Variants in MCC observed in about 807,000 individuals in gnomAD.
MCC encodes MCC regulator of Wnt signaling pathway, also known as colorectal mutant cancer protein.
A neutral mutation model predicts 116.2 loss-of-function variants in MCC; 90 were observed. The ratio of observed to expected loss-of-function variants is 0.77; its 90% CI spans 0.65 to 0.92. MCC has a LOEUF of 0.92. MCC is among the 40% of genes least tolerant of loss of function. MCC has a pLI of 0.00. For missense variants in MCC, 1,516 were observed against 1,312.2 expected (o/e 1.16, Z -2.40); for synonymous variants, 578 against 510.5 (o/e 1.13, Z -1.78).
chr5:113,285,329 C>T (rs1440668009), intron 3 of MCC, among the ~76,000 whole-genome samples: 1 of 149,468 alleles, frequency 6.7e-6, no homozygotes, highest in Non-Finnish European at 1.5e-5. Flanking sequence ...TTCCCTACAT[C>T]TCCCCCTGCC....
chr5:113,448,509 AG>A (rs1771285986), intron 1 of MCC, among the ~76,000 whole-genome samples: 2 of 152,246 alleles, frequency 1.3e-5, no homozygotes, highest in African/African-American at 2.4e-5. Flanking sequence ...AATTAATAAA[AG>A]ATTCCCCAAG....
chr5:113,239,020 T>G (rs1213568784), intron 3 of MCC, among the ~76,000 whole-genome samples: 2 of 152,054 alleles, frequency 1.3e-5, no homozygotes, highest in Non-Finnish European at 2.9e-5. Context: ...CATGCATATG[T>G]TTTTTTTCAA....
At chr5:113,405,108 C>T (rs1769793230) in intron 1 of MCC, among the ~76,000 whole-genome samples, 1 of 152,230 alleles carries the variant, frequency 6.6e-6, no homozygotes. Flanking sequence ...CAGTCAGCAT[C>T]CTGATATCTA....
At chr5:113,093,560 G>T (rs1041920020) in intron 8 of MCC, among the ~76,000 whole-genome samples, 5 of 152,160 alleles carry the variant, frequency 3.3e-5, no homozygotes, top group African/African-American at 9.7e-5. Context: ...GGGAAAGTGA[G>T]ATGTTGGGGG....
At chr5:113,158,135 A>T (rs923352724) in intron 3 of MCC, among the ~76,000 whole-genome samples, 7 of 152,228 alleles carry the variant, frequency 4.6e-5, no homozygotes, top group African/African-American at 7.2e-5. Context: ...CCAATTGTTT[A>T]TTTTTGGAAT....
intron 2 of MCC, among the ~76,000 whole-genome samples, chr5:113,341,000 G>A (rs1260795775): frequency 6.6e-6 from 1 of 152,170 alleles, no homozygotes; most frequent in African/African-American, 2.4e-5. Context: ...AAAAAGCACT[G>A]GAGAGCCAAG....
Position 113,434,329 on chromosome 5 carries a change from A to AT in MCC, c.171-49118dup. The AT allele has an allele frequency of 6.2e-7, 1 of 1,613,910 alleles. No homozygotes were observed. Among genetic ancestry groups the AT allele is most frequent in the Non-Finnish European group, 8.5e-7 (1 of 1,179,876 alleles). ...GGTGACCCACAGAAGGTCTTGCTTA[A>AT]TGCCATTCGACCACTGTCATCCCGC... is the stretch of plus-strand genomic sequence containing the variant. On this transcript the variant is annotated intron_variant, in intron 1 of 18. Coordinates refer to ENST00000408903, the MANE Select transcript of MCC (RefSeq NM_001085377.2). The surrounding 1 kb of genome is among the most constrained non-coding windows in gnomAD (Gnocchi z 4.2).
In MCC at chr5:113,384,974, T is replaced by C; in HGVS notation, c.409A>G (p.Ser137Gly). The C allele has an allele frequency of 6.2e-7, 1 of 1,614,188 alleles. No individual in the cohort carries two copies. The highest frequency in any genetic ancestry group is 8.5e-7 in the Non-Finnish European group (1 of 1,180,022). Residue 137 changes from serine (S) to glycine (G), a missense_variant, in exon 2 of 19, where the codon AGT becomes GGT. By Grantham distance (56) the Ser-to-Gly change is moderately conservative. Transcript: ENST00000408903. ...GCCACCTGGTTATACCTACCCAAAC[T>C]GTTGTCACTGCTCGTGGGCCAGGAA... ...IASWPTSSDN[S>G]LGALSAARES...
At chr5:113,133,013 T>G (rs997311601) in intron 5 of MCC, among the ~76,000 whole-genome samples, 28 of 152,210 alleles carry the variant, frequency 1.8e-4, no homozygotes, top group African/African-American at 6.0e-4. Context: ...TCTTTTTTTT[T>G]TGTTTTTACT....
chr5:113,389,363 TG>T lies in MCC; in HGVS notation c.171-4152del, dbSNP rs1769351032. 2.0e-5 allele frequency among the ~76,000 whole-genome samples: 3 copies of T among 152,184 alleles called. 1 individual carries two copies. In the South Asian group the frequency reaches 6.2e-4, roughly 32 times the overall value. On this transcript the variant is annotated intron_variant, in intron 1 of 18. Coordinates refer to ENST00000408903, the MANE Select transcript of MCC (RefSeq NM_001085377.2). ...CTTGAATCTGGGCTGGCCTTGAGACTGGCTTTGACCAACAAAATGTGGCGGA... is the reference window on the plus strand; with the variant it reads ...CTTGAATCTGGGCTGGCCTTGAGACTGCTTTGACCAACAAAATGTGGCGGA...
chr5:113,395,179 G>A (rs959494989), intron 1 of MCC, among the ~76,000 whole-genome samples: 2 of 152,166 alleles, frequency 1.3e-5, no homozygotes, highest in African/African-American at 4.8e-5. Context: ...TGTTAGACTT[G>A]AGGTAAAAGA....
intron 8 of MCC, among the ~76,000 whole-genome samples, chr5:113,099,907 A>T (rs1480147345): frequency 1.3e-5 from 2 of 152,270 alleles, no homozygotes; most frequent in African/African-American, 4.8e-5. Flanking sequence ...ATCAGAATGC[A>T]CACACTAAGA....
chr5:113,332,087 C>G (rs922032838), intron 3 of MCC, among the ~76,000 whole-genome samples: 1 of 151,798 alleles, frequency 6.6e-6, no homozygotes, highest in East Asian at 1.9e-4. Flanking sequence ...ATTTCGAAAT[C>G]TCCTTGAAAG....
At position 113,229,358 on chromosome 5, in the gene MCC, A is replaced by C. The variant is rs548158419; in HGVS notation, c.628-77936T>G. Among the ~76,000 whole-genome samples the C allele has an allele frequency of 3.3e-5, 5 of 152,364 alleles. No homozygotes were observed. The East Asian group carries it at 7.7e-4, about 23-fold the overall frequency. On this transcript the variant is annotated intron_variant, in intron 3 of 18. Coordinates refer to ENST00000408903, the MANE Select transcript of MCC (RefSeq NM_001085377.2). ...TATAAGGTTAAATATCCTGTAAGTA[A>C]ATACTTAATGATAACTAATAGCAAC...
At chr5:113,119,143 T>C (rs548295894) in intron 6 of MCC, among the ~76,000 whole-genome samples, 3 of 152,358 alleles carry the variant, frequency 2.0e-5, no homozygotes, top group African/African-American at 7.2e-5. Flanking sequence ...TTTGAGTATC[T>C]CCTACGTGCA....
chr5:113,105,231 C>T (rs560809250), intron 6 of MCC, among the ~76,000 whole-genome samples: 1 of 152,204 alleles, frequency 6.6e-6, no homozygotes, highest in Non-Finnish European at 1.5e-5. Flanking sequence ...CACCTACGTC[C>T]AGCCTAACCC....
intron 3 of MCC, among the ~76,000 whole-genome samples, chr5:113,270,874 A>G (rs550289732): frequency 1.1e-4 from 16 of 151,858 alleles, no homozygotes; most frequent in Non-Finnish European, 1.8e-4. Flanking sequence ...CAGAAAGATA[A>G]CTGCTTCACT....
At chr5:113,214,588 C>G (rs1200246910) in intron 3 of MCC, among the ~76,000 whole-genome samples, 1 of 152,132 alleles carries the variant, frequency 6.6e-6, no homozygotes, top group African/African-American at 2.4e-5. Context: ...TTCATCCAAG[C>G]CCCAGCCTTA....
rs986515693 is a variant in MCC at position 113,027,428 on chromosome 5, C to G, written c.2934G>C (p.Lys978Asn). The change falls in exon 19 of 19, where the codon AAG becomes AAC. Residue 978 changes from lysine to asparagine, a missense_variant. Coordinates refer to ENST00000408903, the MANE Select transcript of MCC (RefSeq NM_001085377.2). ...TGGCCATCATCTGCGACTCTAACTT[C>G]TTCAGTTTGTTTTGATGCTTTTTCT... ...KAKKKHQNKL[K>N]KLESQMMAMV... 6.2e-7 allele frequency: 1 copy of G among 1,614,216 alleles called. No homozygotes were observed. Among genetic ancestry groups the G allele is most frequent in the Non-Finnish European group, 8.5e-7 (1 of 1,180,046 alleles).
Sources: allele counts gnomAD v4.1 joint callset (sites outside exome capture counted in the v4.1 genomes callset), GRCh38; gene constraint gnomAD v4.1.1; non-coding constraint Gnocchi (gnomAD v3.1); transcripts MANE v1.5; gene names NCBI Gene and HGNC (gene_info 2026-07-23, HGNC 2026-07-21).